Variants in FAM53B observed in about 807,000 individuals in gnomAD.
FAM53B encodes protein FAM53B.
FAM53B carries 12 observed loss-of-function variants against 32.7 expected under a neutral mutation model. That is an observed-to-expected ratio of 0.37 (90% confidence interval 0.24 to 0.59). FAM53B has a LOEUF of 0.59. FAM53B is among the 20% of genes least tolerant of loss of function. The pLI, the probability that FAM53B is intolerant of heterozygous loss-of-function variation, is 0.72. For synonymous variants in FAM53B, 234 were observed against 228.7 expected, an observed-to-expected ratio of 1.02 and a Z score of -0.21; for missense variants, 477 against 577.7, an observed-to-expected ratio of 0.83 and a Z score of 1.79.
intron 2 of FAM53B, among the ~76,000 whole-genome samples, chr10:124,701,110 T>A (rs1589755396): frequency 6.6e-6 from 1 of 152,314 alleles, no homozygotes; most frequent in South Asian, 2.1e-4. Flanking sequence ...GTGAAAGGCA[T>A]CAGGCTGCCC....
At position 124,620,022 on chromosome 10, in the gene FAM53B, G is replaced by GT. The variant is rs1288358897; in HGVS notation, c.*3219dup. 6.6e-6 allele frequency: 1 copy of GT among 152,400 alleles called. No homozygotes were observed. Among genetic ancestry groups the GT allele is most frequent in the African/African-American group, 2.4e-5 (1 of 41,468 alleles). 9.4% of individuals were successfully genotyped at this position (152,400 alleles called of 1,614,324 possible). A position where few individuals can be genotyped will look rare whatever the true frequency, so the allele number is the denominator to read the frequency against. On this transcript the variant is annotated 3_prime_UTR_variant, in exon 5 of 5. Coordinates refer to ENST00000337318, the MANE Select transcript of FAM53B (RefSeq NM_014661.4). ...CCCGCACCAGGAGACCCATTTGGAA[G>GT]TTAGTTAGGGTTTGTTTTGTTTTCT...
chr10:124,740,038 G>A (rs35024926), intron 1 of FAM53B, among the ~76,000 whole-genome samples: 6,644 of 152,212 alleles, frequency 0.044, 217 homozygotes, highest in Non-Finnish European at 0.067. Context: ...CAATCACTGT[G>A]AGGGGAAAGA....
intron 3 of FAM53B, among the ~76,000 whole-genome samples, chr10:124,686,977 T>C (rs1949806737): frequency 1.3e-5 from 2 of 152,236 alleles, no homozygotes; most frequent in Admixed American, 1.3e-4. Context: ...AGCACTGCTA[T>C]TGTGTATCAA....
intron 4 of FAM53B, among the ~76,000 whole-genome samples, chr10:124,658,715 C>G (rs1165399071): frequency 6.6e-6 from 1 of 152,196 alleles, no homozygotes; most frequent in East Asian, 1.9e-4. Context: ...GCACTTCACC[C>G]CGGCAACCCA....
At chr10:124,650,046 T>C (rs1015396773) in intron 4 of FAM53B, among the ~76,000 whole-genome samples, 7 of 152,154 alleles carry the variant, frequency 4.6e-5, no homozygotes, top group Non-Finnish European at 1.5e-5. Flanking sequence ...TTTCTAGCAG[T>C]AAAACTAACG....
Position 124,681,693 on chromosome 10 carries a change from TA to T in FAM53B, c.819del (p.Asn274ThrfsTer22). 1 of 1,612,386 alleles carries T rather than the reference TA, an allele frequency of 6.2e-7. No individual in the cohort carries two copies. Among genetic ancestry groups the T allele is most frequent in the Non-Finnish European group, 8.5e-7 (1 of 1,179,298 alleles). Reference protein sequence around the residue: ...LSRSRSQPCVLNDKKVGVKRR... With the variant: ...LSRSRSQPCVXNDKKVGVKRR... ...CTTTTAACACCGACCTTCTTGTCGT[TA>T]AGGACACACGGCTGGGAGCGGCTGC... On this transcript the variant is annotated frameshift_variant, in exon 4 of 5. Coordinates refer to ENST00000337318, the MANE Select transcript of FAM53B (RefSeq NM_014661.4). LOFTEE classifies it high-confidence loss of function.
rs1949962402 is a variant in FAM53B at position 124,706,796 on chromosome 10, T to C, written c.-83A>G. ...GGGCAGACTTGGGGTGAGTACCTCC[T>C]GGGGAATTGATGTCAGCAGAAACAG... is the stretch of plus-strand genomic sequence containing the variant. On this transcript the variant is annotated 5_prime_UTR_variant, in exon 2 of 5. Transcript: ENST00000337318. 1 of 1,601,550 alleles carries C rather than the reference T, an allele frequency of 6.2e-7. No homozygotes were observed.
chr10:124,696,080 G>A lies in FAM53B; in HGVS notation c.133+78C>T, dbSNP rs941915560. 1.1e-5 allele frequency: 13 copies of A among 1,151,342 alleles called. No individual in the cohort carries two copies. In the Admixed American group the frequency reaches 2.4e-4, roughly 21 times the overall value. 71.3% of individuals were successfully genotyped at this position (1,151,342 alleles called of 1,614,324 possible). On this transcript the variant is annotated intron_variant, in intron 3 of 4. Transcript: ENST00000337318. ...TGAACTTGTGTCCAGAAAGTGCTTT[G>A]AGTGTCTCACCTGGAGGACTCAGAC...
chr10:124,623,068 G>A lies in FAM53B; in HGVS notation c.*174C>T, dbSNP rs529092271. 14 of 828,526 alleles carry A rather than the reference G, an allele frequency of 1.7e-5. No homozygotes were observed. In the East Asian group the frequency reaches 2.2e-4, roughly 13 times the overall value. 51.3% of individuals were successfully genotyped at this position (828,526 alleles called of 1,614,324 possible). A position where few individuals can be genotyped will look rare whatever the true frequency, so the allele number is the denominator to read the frequency against. On this transcript the variant is annotated 3_prime_UTR_variant, in exon 5 of 5. Transcript: ENST00000337318. ...GCTGACACACCCGCTGTATGACGCGGCCAGGCCAGGCTCTCCCCCAGGCAG... is the reference window on the plus strand; with the variant it reads ...GCTGACACACCCGCTGTATGACGCGACCAGGCCAGGCTCTCCCCCAGGCAG...
Position 124,705,138 on chromosome 10 carries a change from T to G in FAM53B, c.78+1498A>C, listed in dbSNP as rs117307054. Among the ~76,000 whole-genome samples the G allele has an allele frequency of 6.3e-3, 961 of 152,236 alleles. 37 individuals are homozygous for G. In the East Asian group the frequency reaches 0.092, roughly 15 times the overall value. ...CCTTGCAGCTGGGGGTGACACCCCA[T>G]GGAGACCTCACAGGCTGAGGCCCAT... On this transcript the variant is annotated intron_variant, in intron 2 of 4. Transcript: ENST00000337318.
intron 1 of FAM53B, among the ~76,000 whole-genome samples, chr10:124,711,500 A>C (rs542028781): frequency 6.6e-6 from 1 of 152,068 alleles, no homozygotes; most frequent in South Asian, 2.1e-4. Flanking sequence ...TCTCTGTATT[A>C]TTTCCTGTAA....
intron 4 of FAM53B, among the ~76,000 whole-genome samples, chr10:124,677,121 G>A (rs1042287172): frequency 1.3e-5 from 2 of 152,308 alleles, no homozygotes; most frequent in African/African-American, 4.8e-5. Context: ...TTCAATGGGT[G>A]AACTTTTTAA....
chr10:124,668,781 G>A (rs79867816), intron 4 of FAM53B, among the ~76,000 whole-genome samples: 7,018 of 152,340 alleles, frequency 0.046, 200 homozygotes, highest in East Asian at 0.12. Context: ...GGCGGAGCAC[G>A]GTACGGCACA....
chr10:124,627,694 T>A (rs1373765487), intron 4 of FAM53B, among the ~76,000 whole-genome samples: 6 of 152,138 alleles, frequency 3.9e-5, no homozygotes, highest in Non-Finnish European at 8.8e-5. Context: ...GAGGCAACTT[T>A]GGGATGGAGG....
At chr10:124,664,900 G>A (rs1414511726) in intron 4 of FAM53B, among the ~76,000 whole-genome samples, 2 of 152,200 alleles carry the variant, frequency 1.3e-5, no homozygotes, top group African/African-American at 4.8e-5. Context: ...CTCGATCCAG[G>A]ACTGTTGCCT....
chr10:124,724,211 A>T (rs554332959), intron 1 of FAM53B, among the ~76,000 whole-genome samples: 1 of 152,312 alleles, frequency 6.6e-6, no homozygotes, highest in African/African-American at 2.4e-5. Flanking sequence ...CAGGAGTTCA[A>T]TGCCAGAGAT....
chr10:124,718,785 C>T (rs959641738), intron 1 of FAM53B, among the ~76,000 whole-genome samples: 2 of 152,248 alleles, frequency 1.3e-5, no homozygotes, highest in Non-Finnish European at 2.9e-5. Flanking sequence ...CAGTGGCTCA[C>T]GCCTATAATC....
At chr10:124,644,720 C>T (rs990918994) in intron 4 of FAM53B, among the ~76,000 whole-genome samples, 1 of 152,042 alleles carries the variant, frequency 6.6e-6, no homozygotes, top group East Asian at 1.9e-4. Context: ...GTAGGGAACC[C>T]GAGAGTGCAG....
intron 4 of FAM53B, among the ~76,000 whole-genome samples, chr10:124,657,193 T>TATAA (rs1949598505): frequency 6.8e-6 from 1 of 148,140 alleles, no homozygotes; most frequent in South Asian, 2.1e-4. Context: ...TATATATATA[T>TATAA]AAGAAATGGC....
Sources: gnomAD v4.1 joint callset for allele counts (sites outside exome capture counted in the v4.1 genomes callset) on GRCh38, gnomAD v4.1.1 for gene constraint, MANE v1.5 for transcripts, NCBI Gene and HGNC (gene_info 2026-07-23, HGNC 2026-07-21) for gene names.